The following KIAA1328 variants were observed in gnomAD, a reference collection of about 807,000 sequenced individuals.
KIAA1328 encodes the protein KIAA1328, also known as protein hinderin.
In KIAA1328, 52 loss-of-function variants were observed where a neutral mutation model predicts 68.1. That is an observed-to-expected ratio of 0.76 (90% confidence interval 0.61 to 0.96). The LOEUF is 0.96. Ranked by LOEUF, KIAA1328 falls within the 40% of genes least tolerant of loss-of-function variation. The pLI is 0.00. For synonymous variants in KIAA1328, 232 were observed against 239.4 expected (o/e 0.97, Z 0.28); for missense variants, 641 against 677.6 (o/e 0.95, Z 0.60).
intron 7 of KIAA1328, among the ~76,000 whole-genome samples, chr18:37,145,434 G>C (rs1271795314): frequency 6.6e-6 from 1 of 152,148 alleles, no homozygotes; most frequent in African/African-American, 2.4e-5. Flanking sequence ...GCTGTTGAGT[G>C]TAGTGTTCTG....
At chr18:37,199,915 A>C (rs1394889829) in intron 9 of KIAA1328, among the ~76,000 whole-genome samples, 1 of 152,124 alleles carries the variant, frequency 6.6e-6, no homozygotes, top group Non-Finnish European at 1.5e-5. Flanking sequence ...GTGTCTTTTC[A>C]TGGAGGACAT....
chr18:37,164,556 C>A (rs2154212255), intron 8 of KIAA1328, among the ~76,000 whole-genome samples: 1 of 152,092 alleles, frequency 6.6e-6, no homozygotes, highest in South Asian at 2.1e-4. Flanking sequence ...ACCAGCCTGG[C>A]CAACATGGTG....
chr18:36,900,116 A>T (rs2048989459), intron 5 of KIAA1328, among the ~76,000 whole-genome samples: 1 of 151,964 alleles, frequency 6.6e-6, no homozygotes, highest in African/African-American at 2.4e-5. Flanking sequence ...TCTCTCCGAA[A>T]AAACAAACCA....
intron 5 of KIAA1328, among the ~76,000 whole-genome samples, chr18:36,894,245 G>T (rs908418963): frequency 6.6e-6 from 1 of 152,020 alleles, no homozygotes; most frequent in Admixed American, 6.6e-5. Flanking sequence ...ATATTTTATG[G>T]TGCTTTTTAT....
chr18:36,831,040 A>G (rs997012416), intron 1 of KIAA1328, among the ~76,000 whole-genome samples: 12 of 152,204 alleles, frequency 7.9e-5, no homozygotes, highest in Non-Finnish European at 7.3e-5. Context: ...ATAGTTATTA[A>G]TCATTTGATT....
chr18:37,167,654 C>T (rs1053370008), intron 8 of KIAA1328, among the ~76,000 whole-genome samples: 1 of 152,008 alleles, frequency 6.6e-6, no homozygotes, highest in African/African-American at 2.4e-5. Flanking sequence ...GCTCTTCTGC[C>T]GGTGTGTTCC....
chr18:37,222,891 A>G lies in KIAA1328; in HGVS notation c.*664A>G. 1 of 987,290 alleles carries G rather than the reference A, an allele frequency of 1.0e-6. No homozygotes were observed. Among genetic ancestry groups the G allele is most frequent in the Non-Finnish European group, 1.2e-6 (1 of 831,398 alleles). The allele number at this position is 987,290 out of a possible 1,614,324, so 61.2% of individuals were successfully genotyped here. A position where few individuals can be genotyped will look rare whatever the true frequency, so the allele number is the denominator to read the frequency against. ...AATCCTTGGGAGCAAGCAGCACTAAATCACATCAGGGAGTGATTAGTCCTG... is the reference window on the plus strand; with the variant it reads ...AATCCTTGGGAGCAAGCAGCACTAAGTCACATCAGGGAGTGATTAGTCCTG... On this transcript the variant is annotated 3_prime_UTR_variant, in exon 10 of 10. Transcript: ENST00000280020.
intron 7 of KIAA1328, among the ~76,000 whole-genome samples, chr18:37,108,129 C>CT (rs2057826074): frequency 1.3e-5 from 2 of 152,136 alleles, no homozygotes; most frequent in South Asian, 4.1e-4. Context: ...ACCCAGGTAC[C>CT]TATCAGTGGT....
chr18:37,133,557 G>T (rs1479067244), intron 7 of KIAA1328, among the ~76,000 whole-genome samples: 2 of 134,762 alleles, frequency 1.5e-5, no homozygotes, highest in East Asian at 4.2e-4. Context: ...ACGGAGTCTC[G>T]CTCTGTCGCC....
Position 37,160,365 on chromosome 18 carries a change from A to G in KIAA1328, c.1398A>G (p.Thr466=), listed in dbSNP as rs755975794. The G allele has an allele frequency of 6.2e-7, 1 of 1,613,234 alleles. No homozygotes were observed. The highest frequency in any genetic ancestry group is 8.5e-7 in the Non-Finnish European group (1 of 1,179,452). Reference sequence around the variant, plus strand: ...AGTGGTCATGTCAAAAGAAAGATACATGTAGACCCCAAAGAGGTAAGTTTA... The same window carrying G: ...AGTGGTCATGTCAAAAGAAAGATACGTGTAGACCCCAAAGAGGTAAGTTTA... ...DAQWSCQKKD[T]CRPQRGTVTG... Residue 466 remains threonine, a synonymous_variant, in exon 8 of 10, where the codon ACA becomes ACG. Transcript: ENST00000280020.
intron 6 of KIAA1328, among the ~76,000 whole-genome samples, chr18:36,984,075 G>A (rs1340654910): frequency 6.6e-6 from 1 of 151,960 alleles, no homozygotes; most frequent in Non-Finnish European, 1.5e-5. Flanking sequence ...AAAACCTTTG[G>A]CAAACTGGAA....
chr18:36,957,539 G>GCCTC (rs1327168610), intron 5 of KIAA1328, among the ~76,000 whole-genome samples: 1 of 152,042 alleles, frequency 6.6e-6, no homozygotes, highest in East Asian at 1.9e-4. Context: ...TGTGAGAGAG[G>GCCTC]GTACCCCAGG....
chr18:36,951,369 A>G (rs926410094), intron 5 of KIAA1328, among the ~76,000 whole-genome samples: 2 of 152,260 alleles, frequency 1.3e-5, no homozygotes, highest in African/African-American at 2.4e-5. Context: ...TTATTATTCA[A>G]TAAATATTTA....
chr18:36,893,457 GTGTGTTTT>G (rs2048762345), intron 5 of KIAA1328, among the ~76,000 whole-genome samples: 1 of 130,530 alleles, frequency 7.7e-6, no homozygotes, highest in Non-Finnish European at 1.7e-5. Context: ...GTGTGTGTGT[GTGTGTTTT>G]TGTGTGTGTG....
At chr18:37,229,690 C>G, downstream of KIAA1328, 1 of 420,044 alleles carries the variant, frequency 2.4e-6, no homozygotes. Flanking sequence ...CTGGCTAACA[C>G]GGTGAAACCC....
chr18:36,930,725 C>G (rs2050280067), intron 5 of KIAA1328, among the ~76,000 whole-genome samples: 1 of 151,990 alleles, frequency 6.6e-6, no homozygotes, highest in Non-Finnish European at 1.5e-5. Flanking sequence ...TGGTCTCCTA[C>G]TGTGCTCCAA....
At chr18:36,999,577 G>C (rs933471469) in intron 6 of KIAA1328, among the ~76,000 whole-genome samples, 3 of 152,156 alleles carry the variant, frequency 2.0e-5, no homozygotes, top group African/African-American at 7.2e-5. Flanking sequence ...GGATTTCTTA[G>C]CAGACACCTT....
At chr18:37,112,601 C>T (rs1330174260) in intron 7 of KIAA1328, among the ~76,000 whole-genome samples, 1 of 152,346 alleles carries the variant, frequency 6.6e-6, no homozygotes, top group Non-Finnish European at 1.5e-5. Flanking sequence ...GCCTCTTCTC[C>T]TCCAAAGGAA....
At chr18:36,998,103 G>C (rs1043706262) in intron 6 of KIAA1328, among the ~76,000 whole-genome samples, 10 of 152,064 alleles carry the variant, frequency 6.6e-5, no homozygotes, top group Admixed American at 2.0e-4. Context: ...GTCATCTTTG[G>C]AGAGCCTGAG....
Sources: gnomAD v4.1 joint callset for allele counts (sites outside exome capture counted in the v4.1 genomes callset) on GRCh38, gnomAD v4.1.1 for gene constraint, MANE v1.5 for transcripts, NCBI Gene and HGNC (gene_info 2026-07-23, HGNC 2026-07-21) for gene names.